The following NUTM2F variants were observed in gnomAD, a reference collection of about 807,000 sequenced individuals.
NUTM2F encodes the protein NUT family member 2F, also known as family with sequence similarity 22, member F.
A neutral mutation model predicts 43.3 loss-of-function variants in NUTM2F; 22 were observed. That is an observed-to-expected ratio of 0.51 (90% confidence interval 0.36 to 0.73). NUTM2F has a LOEUF of 0.73. NUTM2F is among the 30% of genes least tolerant of loss of function. The pLI, the probability that NUTM2F is intolerant of heterozygous loss-of-function variation, is 0.00. For missense variants in NUTM2F, 488 were observed against 927.4 expected (o/e 0.53, Z 6.15); for synonymous variants, 202 against 389.0 (o/e 0.52, Z 5.66).
intron 2 of NUTM2F, among the ~76,000 whole-genome samples, chr9:94,322,604 A>G (rs563703764): frequency 6.6e-6 from 1 of 152,322 alleles, no homozygotes; most frequent in South Asian, 2.1e-4. Context: ...GTGTGTCCCC[A>G]ACATTCCTGT....
intron 5 of NUTM2F, 64 bp from the exon 6 acceptor site, chr9:94,319,793 C>T (rs902537495): frequency 6.3e-7 from 1 of 1,597,510 alleles, no homozygotes; most frequent in Admixed American, 1.7e-5. Flanking sequence ...CCAAGGACAC[C>T]CGGAGGAGAT....
At chr9:94,324,662 C>CAAAAA (rs539317022) in intron 2 of NUTM2F, among the ~76,000 whole-genome samples, 17 of 60,216 alleles carry the variant, frequency 2.8e-4, no homozygotes, top group Non-Finnish European at 3.9e-4. Flanking sequence ...GACTCCATCT[C>CAAAAA]AAAAAAAAAA....
At position 94,325,757 on chromosome 9, in the gene NUTM2F, A is replaced by C; in HGVS notation, c.194T>G (p.Val65Gly). ...VLSAFPSTPL[V>G]AGQDGRGPSG... ...CGGGCCGCGGCCATCCTGTCCTGCC[A>C]CTAGAGGGGTGCTGGGGAAGGCAGA... Residue 65 changes from valine (V) to glycine (G), a missense_variant, in exon 2 of 7, where the codon GTG becomes GGG. Val to Gly is a moderately radical substitution (Grantham distance 109). Coordinates refer to ENST00000253262, the MANE Select transcript of NUTM2F (RefSeq NM_017561.2). 4 of 1,612,048 alleles carry C rather than the reference A, an allele frequency of 2.5e-6. No individual in the cohort carries two copies. Among genetic ancestry groups the C allele is most frequent in the Non-Finnish European group, 3.4e-6 (4 of 1,179,850 alleles).
intron 2 of NUTM2F, among the ~76,000 whole-genome samples, chr9:94,324,142 C>T (rs1258872706): frequency 3.3e-5 from 5 of 151,718 alleles, no homozygotes; most frequent in African/African-American, 4.8e-5. Flanking sequence ...TGGTGGCGGG[C>T]GCCTGTAAGC....
At chr9:94,324,198 A>C (rs1371889329) in intron 2 of NUTM2F, among the ~76,000 whole-genome samples, 1 of 151,642 alleles carries the variant, frequency 6.6e-6, no homozygotes, top group Non-Finnish European at 1.5e-5. Flanking sequence ...TGAACCTAGG[A>C]GGCAGAGGTT....
chr9:94,319,536 G>T, intron 6 of NUTM2F, 77 bp downstream of exon 6: 10 of 1,592,582 alleles, frequency 6.3e-6, no homozygotes, highest in Non-Finnish European at 8.6e-6. Context: ...GGTGGGCTTA[G>T]ACAATCGGGT....
chr9:94,318,757 G>A lies in NUTM2F; in HGVS notation c.1979C>T (p.Pro660Leu). The A allele has an allele frequency of 1.3e-6, 2 of 1,565,524 alleles. No individual in the cohort carries two copies. Among genetic ancestry groups the A allele is most frequent in the Non-Finnish European group, 1.7e-6 (2 of 1,153,886 alleles). The change falls in exon 7 of 7, where the codon CCT (proline) becomes CTT (leucine). Residue 660 changes from proline to leucine, a missense_variant. Coordinates refer to ENST00000253262, the MANE Select transcript of NUTM2F (RefSeq NM_017561.2). ...RPWRLSQSPV[P>L]SSGLLSPGGR... Reference sequence around the variant, plus strand: ...TCCTGGGCTGAGAAGGCCCGAGGAAGGGACAGGGCTCTGGGACAGCCTCCA... The same window carrying A: ...TCCTGGGCTGAGAAGGCCCGAGGAAAGGACAGGGCTCTGGGACAGCCTCCA...
At chr9:94,322,171 C>G in intron 3 of NUTM2F, 30 bp downstream of exon 3, 1 of 1,611,810 alleles carries the variant, frequency 6.2e-7, no homozygotes, top group Non-Finnish European at 8.5e-7. Flanking sequence ...CCCCGCCACA[C>G]GGGCCCTGCC....
chr9:94,328,111 TCTGTCA>T (rs1831473122), intron 1 of NUTM2F, among the ~76,000 whole-genome samples: 1 of 151,950 alleles, frequency 6.6e-6, no homozygotes, highest in South Asian at 2.1e-4. Context: ...CACTACATGC[TCTGTCA>T]CAGCCAACCC....
chr9:94,323,313 C>G (rs1423894234), intron 2 of NUTM2F, among the ~76,000 whole-genome samples: 1 of 152,224 alleles, frequency 6.6e-6, no homozygotes, highest in Non-Finnish European at 1.5e-5. Flanking sequence ...TCACCTACAC[C>G]CCAGGCAGGG....
rs1831355973 is a variant in NUTM2F at position 94,320,973 on chromosome 9, C to G, written c.982+120G>C. On this transcript the variant is annotated intron_variant, in intron 4 of 6. Coordinates refer to ENST00000253262, the MANE Select transcript of NUTM2F (RefSeq NM_017561.2). This position sits in a 1 kb window ranked among gnomAD's most constrained non-coding sequence, Gnocchi z 4.5. ...AATACCCAACATACACTCCCGGAAG[C>G]TGTCCTGTTGGAGGGAGCAAATCCC... 17 of 1,451,628 alleles carry G rather than the reference C, an allele frequency of 1.2e-5. No individual in the cohort carries two copies. The highest frequency in any genetic ancestry group is 1.5e-5 in the Non-Finnish European group (17 of 1,105,956). The allele number at this position is 1,451,628 out of a possible 1,614,324, so 89.9% of individuals were successfully genotyped here. A position where few individuals can be genotyped will look rare whatever the true frequency, so the allele number is the denominator to read the frequency against.
Position 94,320,708 on chromosome 9 carries a change from C to T in NUTM2F, c.983-115G>A. The T allele has an allele frequency of 7.3e-7, 1 of 1,362,794 alleles. No homozygotes were observed. The highest frequency in any genetic ancestry group is 1.4e-5 in the South Asian group (1 of 69,686). The allele number at this position is 1,362,794 out of a possible 1,614,324, so 84.4% of individuals were successfully genotyped here. On this transcript the variant is annotated intron_variant, in intron 4 of 6. Coordinates refer to ENST00000253262, the MANE Select transcript of NUTM2F (RefSeq NM_017561.2). This position sits in a 1 kb window ranked among gnomAD's most constrained non-coding sequence, Gnocchi z 4.5. Reference sequence around the variant, plus strand: ...GTGGGTCCCAGCTGGGTCAGGACCACCTGAACCACAGCGCCCCGGAGGAGA... The same window carrying T: ...GTGGGTCCCAGCTGGGTCAGGACCATCTGAACCACAGCGCCCCGGAGGAGA...
intron 5 of NUTM2F, 143 bp from the exon 6 acceptor site, chr9:94,319,872 C>T (rs1831333088): frequency 1.9e-6 from 2 of 1,040,462 alleles, no homozygotes; most frequent in Non-Finnish European, 2.9e-6. Context: ...CCACCAGCTA[C>T]ACGCACAGAC....
chr9:94,319,061 G>A lies in NUTM2F; in HGVS notation c.1675C>T (p.Pro559Ser), dbSNP rs756430518. The stretch of plus-strand genomic sequence containing the variant: ...GTGCGCACTCTGCCCTGTCCCTGAG[G>A]GTCCTGGGCAGCTGTCTGGGGTGGG... ...TSPPQTAAQD[P>S]QGQGRVRTGM... Residue 559 changes from proline to serine, a missense_variant, in exon 7 of 7, where the codon CCT (proline) becomes TCT (serine). By Grantham distance (74) the Pro-to-Ser change is moderately conservative. Coordinates refer to ENST00000253262, the MANE Select transcript of NUTM2F (RefSeq NM_017561.2). 1 of 961,932 alleles carries A rather than the reference G, an allele frequency of 1.0e-6. No individual in the cohort carries two copies. Among genetic ancestry groups the A allele is most frequent in the Admixed American group, 3.2e-5 (1 of 30,934 alleles). 59.6% of individuals were successfully genotyped at this position (961,932 alleles called of 1,614,324 possible).
Position 94,322,321 on chromosome 9 carries a change from A to C in NUTM2F, c.722T>G (p.Leu241Arg). The C allele has an allele frequency of 6.2e-7, 1 of 1,611,882 alleles. No individual in the cohort carries two copies. Among genetic ancestry groups the C allele is most frequent in the Non-Finnish European group, 8.5e-7 (1 of 1,179,822 alleles). ...GGGCTTCCGCCGGGCCAGGGATCGG[A>C]GAACTGGGCTGTAAACCAGTGCAGT... ...EALSCFLIPV[L>R]RSLARRKPTM... Residue 241 changes from leucine (L) to arginine (R), a missense_variant, in exon 3 of 7, where the codon CTC becomes CGC. Transcript: ENST00000253262.
In NUTM2F at chr9:94,320,233, C is replaced by T. The variant is rs1217299156; in HGVS notation, c.1343G>A (p.Cys448Tyr). The change falls in exon 5 of 7, where the codon TGT (cysteine) becomes TAT (tyrosine). Residue 448 changes from cysteine (C) to tyrosine (Y), a missense_variant. Physicochemically the swap from Cys to Tyr is radical, Grantham distance 194 (BLOSUM62 -2). Transcript: ENST00000253262. This position sits in a 1 kb window ranked among gnomAD's most constrained non-coding sequence, Gnocchi z 4.5. ...CTTGGTGACAAAGTCTTCCTGGGAA[C>T]ACAGCTTGTCAATGTAGCTCAGGAG... is the stretch of plus-strand genomic sequence containing the variant. ...PGLLSYIDKL[C>Y]SQEDFVTKVE... 16 of 1,613,896 alleles carry T rather than the reference C, an allele frequency of 9.9e-6. No individual in the cohort carries two copies. The highest frequency in any genetic ancestry group is 1.4e-5 in the Non-Finnish European group (16 of 1,179,862).
chr9:94,320,070 C>T lies in NUTM2F; in HGVS notation c.1368+138G>A, dbSNP rs1202602798. The T allele has an allele frequency of 1.3e-6, 1 of 764,630 alleles. No individual in the cohort carries two copies. The highest frequency in any genetic ancestry group is 2.1e-6 in the Non-Finnish European group (1 of 472,022). The allele number at this position is 764,630 out of a possible 1,614,324, so 47.4% of individuals were successfully genotyped here. A position where few individuals can be genotyped will look rare whatever the true frequency, so the allele number is the denominator to read the frequency against. On this transcript the variant is annotated intron_variant, in intron 5 of 6. Coordinates refer to ENST00000253262, the MANE Select transcript of NUTM2F (RefSeq NM_017561.2). The surrounding 1 kb of genome is among the most constrained non-coding windows in gnomAD (Gnocchi z 4.5). ...AAACACACAGCAACACACAGACACA[C>T]ACAGTCACATACACAGACACTCAAA...
intron 2 of NUTM2F, among the ~76,000 whole-genome samples, chr9:94,324,185 G>A (rs10821339): frequency 0.29 from 43,047 of 150,894 alleles, 7,645 homozygotes; most frequent in East Asian, 0.57. Context: ...CAGGAGAATC[G>A]CTTGAACCTA....
intron 2 of NUTM2F, among the ~76,000 whole-genome samples, chr9:94,323,849 C>T (rs1202462271): frequency 5.9e-5 from 9 of 152,118 alleles, no homozygotes; most frequent in Non-Finnish European, 7.4e-5. Flanking sequence ...AACTGGACCG[C>T]GGCAGAACAG....
Sources: gnomAD v4.1 joint callset for allele counts (sites outside exome capture counted in the v4.1 genomes callset) on GRCh38, gnomAD v4.1.1 for gene constraint, Gnocchi (gnomAD v3.1) non-coding constraint, MANE v1.5 for transcripts, NCBI Gene and HGNC (gene_info 2026-07-23, HGNC 2026-07-21) for gene names.